HK1: variants seen among roughly 807,000 people sequenced by gnomAD.
The protein encoded by HK1 is hexokinase 1.
HK1 carries 28 observed loss-of-function variants against 91.6 expected under a neutral mutation model. The ratio of observed to expected loss-of-function variants is 0.31; its 90% CI spans 0.23 to 0.42. The LOEUF is 0.42. Among genes scored for constraint, HK1 ranks in the 10% least tolerant of loss-of-function variants. The probability of loss-of-function intolerance (pLI) is 1.00; values close to 1 mark genes in which losing one functional copy is unlikely to be tolerated. For missense variants in HK1, 770 were observed against 1,219.8 expected (o/e 0.63, Z 5.49); for synonymous variants, 430 against 468.1 (o/e 0.92, Z 1.05).
chr10:69,323,648 C>T (rs1847170680), intron 1 of HK1, among the ~76,000 whole-genome samples: 3 of 152,034 alleles, frequency 2.0e-5, no homozygotes, highest in Admixed American at 1.3e-4. Flanking sequence ...CCTGCCTTTC[C>T]TACCTTAGAT....
At chr10:69,388,633 C>T (rs1489447488) in intron 13 of HK1, among the ~76,000 whole-genome samples, 2 of 152,198 alleles carry the variant, frequency 1.3e-5, no homozygotes, top group Non-Finnish European at 2.9e-5. Context: ...GGTATCCTTC[C>T]TCATCATTGC....
At chr10:69,389,134 C>A (rs768952265) in intron 13 of HK1, 63 bp from the exon 14 acceptor site, 3 of 1,266,344 alleles carry the variant, frequency 2.4e-6, no homozygotes, top group South Asian at 1.2e-5. Flanking sequence ...CAGACAGAAC[C>A]GGCAGCATTC....
intron 1 of HK1, among the ~76,000 whole-genome samples, chr10:69,326,041 G>A (rs964669897): frequency 1.9e-4 from 29 of 151,534 alleles, no homozygotes; most frequent in African/African-American, 6.3e-4. Flanking sequence ...TCACCGTGTT[G>A]GCCAGGCTGG....
At chr10:69,353,324 C>T (rs1848972768) in intron 2 of HK1, among the ~76,000 whole-genome samples, 1 of 152,214 alleles carries the variant, frequency 6.6e-6, no homozygotes, top group African/African-American at 2.4e-5. Context: ...TATGATGGCT[C>T]ACGCCTGTAA....
intron 2 of HK1, among the ~76,000 whole-genome samples, chr10:69,346,939 A>C (rs553934052): frequency 6.6e-6 from 1 of 152,294 alleles, no homozygotes; most frequent in South Asian, 2.1e-4. Context: ...GATTAATAGG[A>C]GAAAGGGCAT....
chr10:69,372,100 G>T (rs1850037483), intron 7 of HK1, among the ~76,000 whole-genome samples: 1 of 152,206 alleles, frequency 6.6e-6, no homozygotes, highest in South Asian at 2.1e-4. Context: ...AAGAGAAATT[G>T]TGCAGGGGAA....
chr10:69,288,421 C>T (rs1176744987), intron 2 of HK1, among the ~76,000 whole-genome samples: 6 of 152,118 alleles, frequency 3.9e-5, no homozygotes, highest in Admixed American at 2.0e-4. Context: ...CCAGCCTGAG[C>T]AACAGAAGCT....
chr10:69,275,839 C>T (rs1203313204), intron 1 of HK1, among the ~76,000 whole-genome samples: 1 of 151,812 alleles, frequency 6.6e-6, no homozygotes, highest in East Asian at 1.9e-4. Context: ...CCTGTAATCC[C>T]AGCACTTTGG....
intron 1 of HK1, among the ~76,000 whole-genome samples, chr10:69,278,959 G>T (rs1413342461): frequency 6.6e-6 from 1 of 152,232 alleles, no homozygotes; most frequent in Non-Finnish European, 1.5e-5. Context: ...TAGAGAAGCT[G>T]TGATTCTAGC....
chr10:69,399,594 G>A (rs564336298), intron 17 of HK1, among the ~76,000 whole-genome samples: 226 of 152,246 alleles, frequency 1.5e-3, no homozygotes, highest in Middle Eastern at 6.8e-3. Flanking sequence ...GGGCGGGAGC[G>A]GTTTGGGCCC....
intron 16 of HK1, among the ~76,000 whole-genome samples, chr10:69,395,373 T>C (rs1252327450): frequency 1.3e-5 from 2 of 151,958 alleles, no homozygotes; most frequent in African/African-American, 4.8e-5. Context: ...GTCAGGAGAT[T>C]TGAGACCATC....
rs539372396 is a variant in HK1 at position 69,400,757 on chromosome 10, T to C, written c.2610-234T>C. On this transcript the variant is annotated intron_variant, in intron 17 of 17. Coordinates refer to ENST00000359426, the MANE Select transcript of HK1 (RefSeq NM_000188.3). ...CACTTTCCTCCCAGCCATTCTCAACTGGCCACAGCTGCTTCTAAGCAGCCT... is the reference window on the plus strand; with the variant it reads ...CACTTTCCTCCCAGCCATTCTCAACCGGCCACAGCTGCTTCTAAGCAGCCT... 3.3e-5 allele frequency among the ~76,000 whole-genome samples: 5 copies of C among 152,344 alleles called. No individual in the cohort carries two copies. In the South Asian group the frequency reaches 1.0e-3, roughly 32 times the overall value.
rs765234410 is a variant in HK1 at position 69,386,385 on chromosome 10, C to G, written c.1902C>G (p.Val634=). Residue 634 remains valine (V), a synonymous_variant, in exon 13 of 18, where the codon GTC becomes GTG. Coordinates refer to ENST00000359426, the MANE Select transcript of HK1 (RefSeq NM_000188.3). ...CAGACTGCGTGGGCCACGATGTAGT[C>G]ACCTTACTAAGGGATGCGATAAAAA... is the stretch of plus-strand genomic sequence containing the variant. ...KATDCVGHDV[V]TLLRDAIKRR... The G allele has an allele frequency of 6.2e-7, 1 of 1,613,748 alleles. No homozygotes were observed. The highest frequency in any genetic ancestry group is 8.5e-7 in the Non-Finnish European group (1 of 1,179,666).
rs1473612984 is a variant in HK1, at chr10:69,369,642, G to C, written c.875+18G>C. ...AAACAGCTGTGAGTCCTTGACTTTTGCTTCTAACCACATATGTGAGTTAGG... is the reference window on the plus strand; with the variant it reads ...AAACAGCTGTGAGTCCTTGACTTTTCCTTCTAACCACATATGTGAGTTAGG... On this transcript the variant is annotated intron_variant, in intron 7 of 17. Transcript: ENST00000359426. The surrounding 1 kb of genome is among the most constrained non-coding windows in gnomAD (Gnocchi z 4.4). 1.2e-6 allele frequency: 2 copies of C among 1,609,828 alleles called. No individual in the cohort carries two copies. The highest frequency in any genetic ancestry group is 1.7e-6 in the Non-Finnish European group (2 of 1,177,416).
intron 1 of HK1, 118 bp downstream of exon 1, chr10:69,319,128 T>A: frequency 4.1e-6 from 5 of 1,205,688 alleles, no homozygotes; most frequent in South Asian, 1.3e-5. Flanking sequence ...CAGCATCGAG[T>A]TGGACTGCAG....
At position 69,386,307 on chromosome 10, in the gene HK1, G is replaced by A. The variant is rs1031313131; in HGVS notation, c.1840-16G>A. ...GTTAATTACACAGGACTCTCCTGGTGCTTTTTATGTTGTAGGGAATCTTGA... is the reference window on the plus strand; with the variant it reads ...GTTAATTACACAGGACTCTCCTGGTACTTTTTATGTTGTAGGGAATCTTGA... On this transcript the variant is annotated splice_polypyrimidine_tract_variant and intron_variant, in intron 12 of 17. Coordinates refer to ENST00000359426, the MANE Select transcript of HK1 (RefSeq NM_000188.3). 3 of 1,608,362 alleles carry A rather than the reference G, an allele frequency of 1.9e-6. No individual in the cohort carries two copies. Among genetic ancestry groups the A allele is most frequent in the South Asian group, 1.1e-5 (1 of 90,934 alleles).
At chr10:69,356,622 C>T (rs188117220) in intron 2 of HK1, among the ~76,000 whole-genome samples, 6 of 152,048 alleles carry the variant, frequency 3.9e-5, no homozygotes, top group African/African-American at 7.2e-5. Context: ...CGGTGGCTCA[C>T]GCCTGTGATC....
chr10:69,369,627 G>A lies in HK1; in HGVS notation c.875+3G>A. ...TCCCTCAACCCTGGAAAACAGCTGTGAGTCCTTGACTTTTGCTTCTAACCA... is the reference window on the plus strand; with the variant it reads ...TCCCTCAACCCTGGAAAACAGCTGTAAGTCCTTGACTTTTGCTTCTAACCA... On this transcript the variant is annotated splice_donor_region_variant and intron_variant, in intron 7 of 17. Coordinates refer to ENST00000359426, the MANE Select transcript of HK1 (RefSeq NM_000188.3). This position sits in a 1 kb window ranked among gnomAD's most constrained non-coding sequence, Gnocchi z 4.4. 6.2e-7 allele frequency: 1 copy of A among 1,613,332 alleles called. No individual in the cohort carries two copies. Among genetic ancestry groups the A allele is most frequent in the Non-Finnish European group, 8.5e-7 (1 of 1,179,654 alleles).
At chr10:69,295,602 T>G in intron 3 of HK1, 2 of 1,534,834 alleles carry the variant, frequency 1.3e-6, no homozygotes, top group Non-Finnish European at 9.0e-7. Context: ...AATGCATTTG[T>G]AACACTTTAC....
Sources: allele counts gnomAD v4.1 joint callset (sites outside exome capture counted in the v4.1 genomes callset), GRCh38; gene constraint gnomAD v4.1.1; non-coding constraint Gnocchi (gnomAD v3.1); transcripts MANE v1.5; gene names NCBI Gene and HGNC (gene_info 2026-07-23, HGNC 2026-07-21).